The following SNTG2 variants were observed in gnomAD, a reference collection of about 807,000 sequenced individuals.
SNTG2 encodes gamma-2-syntrophin.
SNTG2 carries 74 observed loss-of-function variants against 70.9 expected under a neutral mutation model. The ratio of observed to expected loss-of-function variants is 1.04; its 90% confidence interval spans 0.86 to 1.27. The LOEUF (loss-of-function observed/expected upper bound fraction) is 1.27. Among genes scored for constraint, SNTG2 ranks in the 50% most tolerant of loss-of-function variants. The pLI, the probability that SNTG2 is intolerant of heterozygous loss-of-function variation, is 0.00. For synonymous variants in SNTG2, 278 were observed against 273.8 expected, an observed-to-expected ratio of 1.02 and a Z score of -0.15; for missense variants, 717 against 690.7, an observed-to-expected ratio of 1.04 and a Z score of -0.43.
intron 6 of SNTG2, among the ~76,000 whole-genome samples, chr2:1,155,240 T>C (rs1669809957): frequency 6.8e-6 from 1 of 146,960 alleles, no homozygotes; most frequent in Non-Finnish European, 1.5e-5. Context: ...CAAATATATA[T>C]GGACATACAC....
At chr2:971,212 G>C (rs1660729308) in intron 1 of SNTG2, among the ~76,000 whole-genome samples, 1 of 152,218 alleles carries the variant, frequency 6.6e-6, no homozygotes, top group Non-Finnish European at 1.5e-5. Flanking sequence ...CATTAGGAAT[G>C]ATACCAGCTT....
chr2:1,195,473 G>A (rs746464178), intron 8 of SNTG2, among the ~76,000 whole-genome samples: 2 of 152,218 alleles, frequency 1.3e-5, no homozygotes, highest in African/African-American at 2.4e-5. Flanking sequence ...CTAATGACTA[G>A]TGATAATGAG....
chr2:1,098,763 T>A (rs901871644), intron 4 of SNTG2, among the ~76,000 whole-genome samples: 1 of 152,176 alleles, frequency 6.6e-6, no homozygotes, highest in Non-Finnish European at 1.5e-5. Flanking sequence ...ATGGTGTTCG[T>A]TGAAGTATCT....
rs551351243 is a variant in SNTG2, at chr2:1,112,831, G to A, written c.325+14421G>A. On this transcript the variant is annotated intron_variant, in intron 4 of 16. Coordinates refer to ENST00000308624, the MANE Select transcript of SNTG2 (RefSeq NM_018968.4). ...TGCAGTCGTTTGAGAAGGATAGTGA[G>A]TACTAAGTGAGGTTTAACCCTTATA... Among the ~76,000 whole-genome samples the A allele has an allele frequency of 7.3e-5, 11 of 151,402 alleles. No individual in the cohort carries two copies. The East Asian group carries it at 2.0e-3, about 27-fold the overall frequency.
rs191533250 is a variant in SNTG2, at chr2:1,239,147, G to A, written c.850-591G>A. Among the ~76,000 whole-genome samples, 8 of 151,866 alleles carry A rather than the reference G, an allele frequency of 5.3e-5. No individual in the cohort carries two copies. The East Asian group carries it at 1.2e-3, about 22-fold the overall frequency. ...TTATATTTGCAGAAATGTTTGTGAC[G>A]AGGAGCGCCCTTCAGTTCTGTCATT... On this transcript the variant is annotated intron_variant, in intron 10 of 16. Transcript: ENST00000308624.
At chr2:1,159,553 T>C (rs1263174277) in intron 6 of SNTG2, 1 of 152,176 alleles carries the variant, frequency 6.6e-6, no homozygotes, top group Non-Finnish European at 1.5e-5. Flanking sequence ...TGAAGAACTT[T>C]GTATCAAAAT....
intron 9 of SNTG2, among the ~76,000 whole-genome samples, chr2:1,217,049 T>A (rs1205070849): frequency 3.3e-5 from 5 of 152,164 alleles, no homozygotes; most frequent in African/African-American, 1.2e-4. Flanking sequence ...TGTGCCGACA[T>A]CACCCTTGGG....
chr2:1,140,148 C>T (rs559343633), intron 6 of SNTG2, among the ~76,000 whole-genome samples: 1 of 152,222 alleles, frequency 6.6e-6, no homozygotes, highest in South Asian at 2.1e-4. Flanking sequence ...GTACTGAATG[C>T]AAAGAATCCT....
chr2:1,336,091 A>T (rs1055884098), intron 16 of SNTG2, among the ~76,000 whole-genome samples: 25 of 152,208 alleles, frequency 1.6e-4, no homozygotes, highest in African/African-American at 5.5e-4. Context: ...AGGCATTGGT[A>T]AAGAGATAAA....
At chr2:1,021,340 T>C (rs1660160217) in intron 1 of SNTG2, among the ~76,000 whole-genome samples, 1 of 152,292 alleles carries the variant, frequency 6.6e-6, no homozygotes, top group African/African-American at 2.4e-5. Flanking sequence ...TAGCTCCTTT[T>C]GTTTGATAAT....
At chr2:992,925 A>G (rs1572200739) in intron 1 of SNTG2, among the ~76,000 whole-genome samples, 1 of 152,128 alleles carries the variant, frequency 6.6e-6, no homozygotes, top group East Asian at 1.9e-4. Flanking sequence ...CCCTTAATAT[A>G]AAACCCCATG....
At chr2:1,250,884 C>A (rs763359616) in intron 12 of SNTG2, among the ~76,000 whole-genome samples, 1 of 152,204 alleles carries the variant, frequency 6.6e-6, no homozygotes, top group Non-Finnish European at 1.5e-5. Context: ...TTGTCTTTTC[C>A]TATAAAAGTT....
intron 1 of SNTG2, among the ~76,000 whole-genome samples, chr2:1,037,637 G>A (rs1194423291): frequency 1.3e-5 from 2 of 151,792 alleles, no homozygotes; most frequent in Non-Finnish European, 2.9e-5. Flanking sequence ...AGGACGTCTG[G>A]TGCTTTATAT....
chr2:1,322,761 A>G (rs1174888010), intron 16 of SNTG2, among the ~76,000 whole-genome samples: 1 of 151,816 alleles, frequency 6.6e-6, no homozygotes, highest in Non-Finnish European at 1.5e-5. Flanking sequence ...GGGTTGATAC[A>G]AGGGAACCTA....
At chr2:1,087,896 C>T (rs1386470041) in intron 2 of SNTG2, among the ~76,000 whole-genome samples, 3 of 152,122 alleles carry the variant, frequency 2.0e-5, no homozygotes, top group Non-Finnish European at 4.4e-5. Context: ...CACTTGCAAG[C>T]GTGTAGGAGT....
chr2:1,028,762 A>T (rs1336208930), intron 1 of SNTG2, among the ~76,000 whole-genome samples: 1 of 146,252 alleles, frequency 6.8e-6, no homozygotes, highest in Non-Finnish European at 1.5e-5. Context: ...TTTAAATGCT[A>T]ATCACATTTG....
At chr2:1,336,599 C>A (rs1445059260) in intron 16 of SNTG2, among the ~76,000 whole-genome samples, 1 of 152,142 alleles carries the variant, frequency 6.6e-6, no homozygotes, top group Non-Finnish European at 1.5e-5. Flanking sequence ...TTTGGTCTTA[C>A]ATTTAAATCT....
chr2:1,234,494 C>T (rs1676475355), intron 9 of SNTG2, among the ~76,000 whole-genome samples: 1 of 152,164 alleles, frequency 6.6e-6, no homozygotes, highest in Non-Finnish European at 1.5e-5. Flanking sequence ...CCCATTTGTT[C>T]CTCTCAGTAT....
At chr2:1,035,370 C>T (rs1661073458) in intron 1 of SNTG2, among the ~76,000 whole-genome samples, 1 of 152,110 alleles carries the variant, frequency 6.6e-6, no homozygotes, top group South Asian at 2.1e-4. Context: ...TGGCAGTGCT[C>T]TATGGTGCTG....
Sources: allele counts gnomAD v4.1 joint callset (sites outside exome capture counted in the v4.1 genomes callset), GRCh38; gene constraint gnomAD v4.1.1; transcripts MANE v1.5; gene names NCBI Gene and HGNC (gene_info 2026-07-23, HGNC 2026-07-21).